FBLN2: variants seen among roughly 807,000 people sequenced by gnomAD.
FBLN2 encodes the protein fibulin 2.
FBLN2 carries 81 observed loss-of-function variants against 123.7 expected under a neutral mutation model. The observed-to-expected ratio is 0.65, with a 90% CI of 0.55 to 0.79. FBLN2 has a LOEUF of 0.79. Ranked by LOEUF, FBLN2 falls within the 30% of genes least tolerant of loss-of-function variation. FBLN2 has a pLI of 0.00. For synonymous variants in FBLN2, 699 were observed against 701.4 expected (o/e 1.00, Z 0.05); for missense variants, 1,603 against 1,681.3 (o/e 0.95, Z 0.81).
intron 1 of FBLN2, among the ~76,000 whole-genome samples, chr3:13,557,499 C>T (rs530035124): frequency 3.9e-5 from 6 of 152,324 alleles, no homozygotes; most frequent in African/African-American, 9.6e-5. Context: ...CCATCAGGAC[C>T]GGGTCTCCAT....
At chr3:13,613,863 G>A (rs1211055532) in intron 4 of FBLN2, 121 bp from the exon 5 acceptor site, 26 of 1,105,554 alleles carry the variant, frequency 2.4e-5, no homozygotes, top group East Asian at 1.6e-4. Context: ...CTGGGAGAGC[G>A]CATAGTCTGG....
intron 9 of FBLN2, among the ~76,000 whole-genome samples, chr3:13,622,497 C>T (rs976566382): frequency 1.3e-5 from 2 of 152,238 alleles, no homozygotes; most frequent in Non-Finnish European, 2.9e-5. Context: ...GAGCCCGCCT[C>T]GCATACCAGC....
intron 2 of FBLN2, among the ~76,000 whole-genome samples, chr3:13,588,375 G>A (rs966251170): frequency 6.6e-6 from 1 of 152,216 alleles, no homozygotes; most frequent in African/African-American, 2.4e-5. Flanking sequence ...TTCTCAGAAC[G>A]TGACCCCTTC....
At chr3:13,564,644 G>A (rs1703692020) in intron 1 of FBLN2, among the ~76,000 whole-genome samples, 1 of 152,218 alleles carries the variant, frequency 6.6e-6, no homozygotes, top group Admixed American at 6.5e-5. Context: ...AGAACTGGAG[G>A]TGGGAAGACC....
At chr3:13,628,734 G>A (rs910383897) in intron 11 of FBLN2, among the ~76,000 whole-genome samples, 171 bp from the exon 12 acceptor site, 3 of 152,128 alleles carry the variant, frequency 2.0e-5, no homozygotes, top group African/African-American at 7.2e-5. Context: ...GGTTCTGGGA[G>A]GTGTATCCCT....
chr3:13,637,492 C>A (rs1706517351), intron 17 of FBLN2, 70 bp from the exon 18 acceptor site: 2 of 1,393,052 alleles, frequency 1.4e-6, no homozygotes, highest in African/African-American at 1.4e-5. Flanking sequence ...TGAGCTGTGC[C>A]ATCTGTGTCC....
chr3:13,621,397 C>T (rs3773266), intron 8 of FBLN2, among the ~76,000 whole-genome samples: 28,286 of 152,154 alleles, frequency 0.19, 2,883 homozygotes, highest in Non-Finnish European at 0.21. Context: ...GTGGGCCCTT[C>T]CCTGGTTTAT....
chr3:13,599,367 C>T (rs1704949696), intron 2 of FBLN2, among the ~76,000 whole-genome samples: 1 of 152,128 alleles, frequency 6.6e-6, no homozygotes, highest in African/African-American at 2.4e-5. Flanking sequence ...TGGCAAATGC[C>T]AAGGCCTTGG....
rs535705289 is a variant in FBLN2 at position 13,618,124 on chromosome 3, A to G, written c.1778A>G (p.Glu593Gly). ...CGAGAGGCCCTGTCACTGGGCACAG[A>G]GGCCGAGCTGCCGAACAGCCTGCCG... ...AGREALSLGT[E>G]AELPNSLPGD... Residue 593 changes from glutamate (E) to glycine (G), a missense_variant, in exon 6 of 18, where the codon GAG (glutamate) becomes GGG (glycine). Coordinates refer to ENST00000404922, the MANE Select transcript of FBLN2 (RefSeq NM_001004019.2). 4.3e-6 allele frequency: 7 copies of G among 1,613,540 alleles called. No homozygotes were observed. In the Admixed American group the frequency reaches 6.7e-5, roughly 15 times the overall value.
Position 13,632,775 on chromosome 3 carries a change from G to A in FBLN2, c.3214+1318G>A, listed in dbSNP as rs112360411. Reference sequence around the variant, plus strand: ...AGACCCTATAAATCACTGACTGGGAGGCCTGCTCGGCCCACAGAAGCTGGC... The same window carrying A: ...AGACCCTATAAATCACTGACTGGGAAGCCTGCTCGGCCCACAGAAGCTGGC... On this transcript the variant is annotated intron_variant, in intron 16 of 17. Transcript: ENST00000404922. Among the ~76,000 whole-genome samples, 1,363 of 152,250 alleles carry A rather than the reference G, an allele frequency of 9.0e-3. 8 individuals are homozygous for A. Among genetic ancestry groups the A allele is most frequent in the Non-Finnish European group, 0.012 (846 of 68,024 alleles).
chr3:13,580,456 G>A (rs942091005), intron 2 of FBLN2, among the ~76,000 whole-genome samples: 95 of 152,170 alleles, frequency 6.2e-4, no homozygotes, highest in Non-Finnish European at 1.0e-3. Context: ...GACAAGACTG[G>A]AGCTGCCAGT....
chr3:13,555,802 G>C (rs1207377956), intron 1 of FBLN2, among the ~76,000 whole-genome samples: 1 of 152,212 alleles, frequency 6.6e-6, no homozygotes, highest in Non-Finnish European at 1.5e-5. Context: ...AGGTGTGGGA[G>C]GCACACCCGT....
chr3:13,587,091 G>GC (rs920615718), intron 2 of FBLN2, among the ~76,000 whole-genome samples: 31 of 147,370 alleles, frequency 2.1e-4, no homozygotes, highest in Non-Finnish European at 3.6e-4. Context: ...TTTGTAGTGA[G>GC]CCCAGATTGG....
chr3:13,628,766 A>G (rs901031748), intron 11 of FBLN2, 139 bp from the exon 12 acceptor site: 3 of 968,172 alleles, frequency 3.1e-6, no homozygotes, highest in Non-Finnish European at 4.5e-6. Context: ...GCACAGGGGT[A>G]GGACAGTCTG....
chr3:13,630,039 C>T, intron 14 of FBLN2, 94 bp downstream of exon 14: 2 of 1,524,250 alleles, frequency 1.3e-6, no homozygotes, highest in East Asian at 2.4e-5. Context: ...GACCCTTCAC[C>T]CTTACACCTT....
In FBLN2 at chr3:13,595,515, A is replaced by T. The variant is rs1283355944; in HGVS notation, c.1307-12547A>T. Among the ~76,000 whole-genome samples, 3 of 151,920 alleles carry T rather than the reference A, an allele frequency of 2.0e-5. No homozygotes were observed. The South Asian group carries it at 6.2e-4, about 32-fold the overall frequency. ...AGGCGCCTCCACAGACCTTCAGGTAACCCTCCCACCCTGTCCCTCCACACC... is the reference window on the plus strand; with the variant it reads ...AGGCGCCTCCACAGACCTTCAGGTATCCCTCCCACCCTGTCCCTCCACACC... On this transcript the variant is annotated intron_variant, in intron 2 of 17. Coordinates refer to ENST00000404922, the MANE Select transcript of FBLN2 (RefSeq NM_001004019.2).
At chr3:13,633,868 C>G (rs1706350486) in intron 16 of FBLN2, among the ~76,000 whole-genome samples, 1 of 151,876 alleles carries the variant, frequency 6.6e-6, no homozygotes, top group African/African-American at 2.4e-5. Flanking sequence ...ACAGTTGACC[C>G]CATGACTGAG....
intron 5 of FBLN2, among the ~76,000 whole-genome samples, chr3:13,616,929 C>T (rs1705628631): frequency 6.6e-6 from 1 of 152,146 alleles, no homozygotes; most frequent in Non-Finnish European, 1.5e-5. Context: ...CCAATAGAGC[C>T]CAGATTTGGA....
chr3:13,632,186 G>C (rs1426885090), intron 16 of FBLN2, among the ~76,000 whole-genome samples: 1 of 152,228 alleles, frequency 6.6e-6, no homozygotes, highest in Non-Finnish European at 1.5e-5. Flanking sequence ...AGGGCAAGGT[G>C]AGGGGCCAGG....
Sources: gnomAD v4.1 joint callset for allele counts (sites outside exome capture counted in the v4.1 genomes callset) on GRCh38, gnomAD v4.1.1 for gene constraint, MANE v1.5 for transcripts, NCBI Gene and HGNC (gene_info 2026-07-23, HGNC 2026-07-21) for gene names.